The following TEX26 variants were observed in gnomAD, a reference collection of about 807,000 sequenced individuals.
The protein encoded by TEX26 is testis-expressed protein 26.
In TEX26, 34 loss-of-function variants were observed where a neutral mutation model predicts 35.3. That is an observed-to-expected ratio of 0.96 (90% CI 0.73 to 1.28). The LOEUF (loss-of-function observed/expected upper bound fraction) is 1.28, where lower values mean the gene tolerates loss of function less well. Ranked by LOEUF, TEX26 falls within the 50% of genes most tolerant of loss-of-function variation. The pLI, the probability that TEX26 is intolerant of heterozygous loss-of-function variation, is 0.00. For synonymous variants in TEX26, 136 were observed against 111.8 expected (o/e 1.22, Z -1.36); for missense variants, 371 against 330.1 (o/e 1.12, Z -0.96).
chr13:30,932,816 G>A, intron 1 of TEX26, 40 bp downstream of exon 1: 2 of 1,603,548 alleles, frequency 1.2e-6, no homozygotes, highest in African/African-American at 2.7e-5. Context: ...GGCGGGGCTG[G>A]GGTCTTTCCC....
At chr13:30,974,101 A>AT (rs1954798262) in intron 6 of TEX26, among the ~76,000 whole-genome samples, 1 of 137,534 alleles carries the variant, frequency 7.3e-6, no homozygotes, top group South Asian at 2.5e-4. Flanking sequence ...AGCCTGGGCA[A>AT]TAGAGTGAGC....
chr13:30,951,754 A>G (rs1953929453), intron 2 of TEX26, among the ~76,000 whole-genome samples: 2 of 152,154 alleles, frequency 1.3e-5, no homozygotes, highest in South Asian at 2.1e-4. Flanking sequence ...TAACAATTAT[A>G]TTATCTCACC....
chr13:30,972,374 C>T (rs1954743070), intron 6 of TEX26, among the ~76,000 whole-genome samples: 1 of 152,200 alleles, frequency 6.6e-6, no homozygotes, highest in African/African-American at 2.4e-5. Context: ...ATTTTACACA[C>T]TCATCGTTTT....
At chr13:30,946,116 A>G (rs921951904) in intron 2 of TEX26, among the ~76,000 whole-genome samples, 1 of 151,858 alleles carries the variant, frequency 6.6e-6, no homozygotes, top group African/African-American at 2.4e-5. Flanking sequence ...CATTCTACAT[A>G]ATCCCATATT....
intron 5 of TEX26, 141 bp downstream of exon 5, chr13:30,966,539 G>A (rs1472878263): frequency 1.4e-6 from 1 of 717,714 alleles, no homozygotes; most frequent in Non-Finnish European, 2.2e-6. Context: ...CTGGGTTCAA[G>A]CGATTCTCCT....
At chr13:30,960,459 G>A (rs1954293830) in intron 4 of TEX26, among the ~76,000 whole-genome samples, 1 of 152,092 alleles carries the variant, frequency 6.6e-6, no homozygotes, top group African/African-American at 2.4e-5. Flanking sequence ...TGCCCAGGCT[G>A]GTCTTGAACT....
chr13:30,934,063 A>G lies in TEX26; in HGVS notation c.61+1287A>G, dbSNP rs570106741. Among the ~76,000 whole-genome samples the G allele has an allele frequency of 2.4e-4, 37 of 152,314 alleles. 1 individual carries two copies. The highest frequency in any genetic ancestry group is 1.5e-3 in the Admixed American group (23 of 15,302). On this transcript the variant is annotated intron_variant, in intron 1 of 6. Coordinates refer to ENST00000380473, the MANE Select transcript of TEX26 (RefSeq NM_152325.3). The stretch of plus-strand genomic sequence containing the variant: ...GTCACAGCAGGGCCTCCAACTTGAC[A>G]TGTGCAAAATCACACTCCTTGTCCT...
intron 4 of TEX26, among the ~76,000 whole-genome samples, chr13:30,960,030 A>C (rs1193104286): frequency 6.6e-6 from 1 of 152,224 alleles, no homozygotes; most frequent in Non-Finnish European, 1.5e-5. Context: ...CTAAAATTCT[A>C]TATCCAGCCA....
At chr13:30,940,703 A>G (rs1316270334) in intron 2 of TEX26, among the ~76,000 whole-genome samples, 1 of 152,014 alleles carries the variant, frequency 6.6e-6, no homozygotes, top group Non-Finnish European at 1.5e-5. Flanking sequence ...TATCATCTTC[A>G]TTCTGTGAAT....
At position 30,952,666 on chromosome 13, in the gene TEX26, C is replaced by T. The variant is rs374192558; in HGVS notation, c.153C>T (p.Asn51=). 81 of 1,578,028 alleles carry T rather than the reference C, an allele frequency of 5.1e-5. No homozygotes were observed. In the Middle Eastern group the frequency reaches 1.8e-3, roughly 34 times the overall value. The change falls in exon 3 of 7, where the codon AAC becomes AAT. Residue 51 remains asparagine, a synonymous_variant. Transcript: ENST00000380473. ...CTGCTGGGTTTTTTTATAGCCAAAA[C>T]GGTATCAGAAGATTAGGATATACAT... ...TGAVPALIRQ[N]GIRRLGYTYS...
At chr13:30,954,148 T>G (rs757377558) in intron 3 of TEX26, among the ~76,000 whole-genome samples, 10 of 152,008 alleles carry the variant, frequency 6.6e-5, no homozygotes, top group Non-Finnish European at 1.2e-4. Flanking sequence ...GGGGGAGAGA[T>G]GAGCTGGACA....
intron 2 of TEX26, among the ~76,000 whole-genome samples, chr13:30,950,949 C>T (rs1310862207): frequency 1.3e-5 from 2 of 152,202 alleles, no homozygotes; most frequent in African/African-American, 4.8e-5. Context: ...AACCCACATA[C>T]ATTTGCAGGT....
At chr13:30,947,595 A>G (rs1953759109) in intron 2 of TEX26, among the ~76,000 whole-genome samples, 1 of 152,104 alleles carries the variant, frequency 6.6e-6, no homozygotes. Flanking sequence ...AGTTTCTGAG[A>G]ATATATTGAA....
At chr13:30,945,661 G>A (rs1317784123) in intron 2 of TEX26, among the ~76,000 whole-genome samples, 1 of 151,818 alleles carries the variant, frequency 6.6e-6, no homozygotes, top group South Asian at 2.1e-4. Context: ...GCATTTGTTT[G>A]TCTGAAAATG....
chr13:30,973,495 A>G (rs536018672), intron 6 of TEX26: 3 of 152,256 alleles, frequency 2.0e-5, no homozygotes, highest in Non-Finnish European at 4.4e-5. Context: ...TACACAAAAG[A>G]TTAGTGAATT....
intron 2 of TEX26, among the ~76,000 whole-genome samples, chr13:30,944,428 T>C (rs1953626242): frequency 6.6e-6 from 1 of 152,004 alleles, no homozygotes; most frequent in South Asian, 2.1e-4. Flanking sequence ...TGATTTTTTT[T>C]TGCTGTTTAA....
intron 2 of TEX26, among the ~76,000 whole-genome samples, chr13:30,944,106 G>GT (rs200247551): frequency 4.2e-4 from 63 of 151,550 alleles, no homozygotes; most frequent in African/African-American, 1.4e-3. Context: ...GAAGTCGACA[G>GT]TTTTTTTTAT....
intron 1 of TEX26, among the ~76,000 whole-genome samples, chr13:30,938,597 G>A (rs1230934031): frequency 6.6e-6 from 1 of 152,098 alleles, no homozygotes; most frequent in African/African-American, 2.4e-5. Context: ...ACCTCTCAAA[G>A]GCCCCACCTG....
At chr13:30,937,094 G>A (rs1953299538) in intron 1 of TEX26, 2 of 627,894 alleles carry the variant, frequency 3.2e-6, no homozygotes, top group East Asian at 2.8e-4. Context: ...GGATTAGGGA[G>A]TGGAGGGTGT....
Sources: gnomAD v4.1 joint callset for allele counts (sites outside exome capture counted in the v4.1 genomes callset) on GRCh38, gnomAD v4.1.1 for gene constraint, MANE v1.5 for transcripts, NCBI Gene and HGNC (gene_info 2026-07-23, HGNC 2026-07-21) for gene names.